EPHA6: variants seen among roughly 807,000 people sequenced by gnomAD.
EPHA6 encodes EPH receptor A6, also known as ephrin type-A receptor 6.
In EPHA6, 50 loss-of-function variants were observed where a neutral mutation model predicts 112.0. The ratio of observed to expected loss-of-function variants is 0.45; its 90% CI spans 0.36 to 0.56. The LOEUF is 0.56. EPHA6 is among the 20% of genes least tolerant of loss of function. EPHA6 has a pLI of 0.00. For missense variants in EPHA6, 1,280 were observed against 1,417.4 expected (o/e 0.90, Z 1.56); for synonymous variants, 529 against 490.7 (o/e 1.08, Z -1.03).
chr3:97,428,599 A>G (rs1357273484), intron 6 of EPHA6, among the ~76,000 whole-genome samples: 1 of 152,200 alleles, frequency 6.6e-6, no homozygotes, highest in Non-Finnish European at 1.5e-5. Flanking sequence ...GAAAACCTAA[A>G]CTAAGCAACC....
intron 5 of EPHA6, among the ~76,000 whole-genome samples, chr3:97,371,538 C>T (rs2085054847): frequency 6.6e-6 from 1 of 152,084 alleles, no homozygotes; most frequent in African/African-American, 2.4e-5. Flanking sequence ...TCTTCATAAG[C>T]TCAGGAAGAA....
chr3:97,712,980 C>T (rs777087051), intron 14 of EPHA6, among the ~76,000 whole-genome samples: 3 of 152,002 alleles, frequency 2.0e-5, no homozygotes, highest in Non-Finnish European at 2.9e-5. Context: ...GAAATTGTTT[C>T]TCATCTGCCC....
intron 2 of EPHA6, among the ~76,000 whole-genome samples, chr3:96,890,097 A>G (rs903162024): frequency 6.6e-6 from 1 of 151,536 alleles, no homozygotes; most frequent in Non-Finnish European, 1.5e-5. Context: ...AATGGTAGAT[A>G]TTTATTAAAC....
chr3:97,387,363 G>A (rs1272383605), intron 5 of EPHA6, among the ~76,000 whole-genome samples: 1 of 145,314 alleles, frequency 6.9e-6, no homozygotes, highest in African/African-American at 2.6e-5. Flanking sequence ...GCTTTTAGAA[G>A]CAGCCAGGCA....
chr3:96,890,362 T>A (rs903275546), intron 2 of EPHA6, among the ~76,000 whole-genome samples: 3 of 152,186 alleles, frequency 2.0e-5, no homozygotes, highest in Non-Finnish European at 4.4e-5. Context: ...CAAAGTCTTA[T>A]GTGAGTATTT....
chr3:97,488,386 C>T (rs972717674), intron 10 of EPHA6, among the ~76,000 whole-genome samples: 5 of 152,152 alleles, frequency 3.3e-5, no homozygotes, highest in African/African-American at 9.7e-5. Context: ...AAGTGAGTGT[C>T]AAGCCTAATA....
intron 3 of EPHA6, among the ~76,000 whole-genome samples, chr3:97,204,984 T>C (rs73848574): frequency 0.019 from 2,933 of 152,222 alleles, 119 homozygotes; most frequent in African/African-American, 0.066. Context: ...TAAAATTACA[T>C]AGAAAAATTG....
At chr3:96,915,949 A>G (rs16836982) in intron 2 of EPHA6, among the ~76,000 whole-genome samples, 4,751 of 152,230 alleles carry the variant, frequency 0.031, 107 homozygotes, top group Middle Eastern at 0.065. Context: ...CTAGAGATGC[A>G]AAGTGGTAAA....
At chr3:97,708,771 A>C (rs1239525150) in intron 14 of EPHA6, among the ~76,000 whole-genome samples, 1 of 152,210 alleles carries the variant, frequency 6.6e-6, no homozygotes, top group Non-Finnish European at 1.5e-5. Flanking sequence ...CTTGGTGCCC[A>C]GTGTCCCAGC....
chr3:96,954,505 C>A (rs1236519797), intron 2 of EPHA6, among the ~76,000 whole-genome samples: 1 of 152,080 alleles, frequency 6.6e-6, no homozygotes, highest in Non-Finnish European at 1.5e-5. Flanking sequence ...TCTTTTCATG[C>A]TCTTACCCCA....
At chr3:96,896,759 A>G (rs2038290380) in intron 2 of EPHA6, among the ~76,000 whole-genome samples, 1 of 152,210 alleles carries the variant, frequency 6.6e-6, no homozygotes, top group Admixed American at 6.5e-5. Flanking sequence ...GGGAAATTCA[A>G]CATAACAAAA....
intron 2 of EPHA6, among the ~76,000 whole-genome samples, chr3:96,946,331 C>A (rs540500646): frequency 6.6e-6 from 1 of 152,130 alleles, no homozygotes; most frequent in South Asian, 2.1e-4. Flanking sequence ...CCCCTTCCCC[C>A]ACCCCACGAC....
intron 2 of EPHA6, among the ~76,000 whole-genome samples, chr3:96,947,569 T>A (rs2041332660): frequency 6.6e-6 from 1 of 152,172 alleles, no homozygotes; most frequent in Non-Finnish European, 1.5e-5. Context: ...AACCATGCAA[T>A]GTGCAGAAAT....
chr3:97,252,149 C>T (rs2108599354), intron 5 of EPHA6, among the ~76,000 whole-genome samples: 1 of 152,178 alleles, frequency 6.6e-6, no homozygotes, highest in Middle Eastern at 3.4e-3. Context: ...CAGCCAGACT[C>T]AGGAAGGTTG....
At chr3:97,001,519 G>A (rs756231208) in intron 3 of EPHA6, among the ~76,000 whole-genome samples, 4 of 151,632 alleles carry the variant, frequency 2.6e-5, no homozygotes, top group Non-Finnish European at 5.9e-5. Context: ...CCTTCCTTTG[G>A]CATGTGATAC....
At chr3:97,638,894 T>G (rs139855980) in intron 14 of EPHA6, among the ~76,000 whole-genome samples, 2 of 152,288 alleles carry the variant, frequency 1.3e-5, no homozygotes, top group East Asian at 3.9e-4. Flanking sequence ...CAAAAGATTT[T>G]TATTATATTC....
intron 16 of EPHA6, among the ~76,000 whole-genome samples, chr3:97,746,609 T>C (rs1353669940): frequency 6.6e-6 from 1 of 151,840 alleles, no homozygotes; most frequent in African/African-American, 2.4e-5. Context: ...GTGTATGTAA[T>C]GTATATATAA....
At chr3:97,340,036 T>C (rs1024796976) in intron 5 of EPHA6, among the ~76,000 whole-genome samples, 2 of 151,570 alleles carry the variant, frequency 1.3e-5, no homozygotes, top group African/African-American at 2.4e-5. Context: ...ATAACCTAAA[T>C]ATTTTTTCCA....
rs115465846 is a variant in EPHA6 at position 97,431,488 on chromosome 3, C to T, written c.1732-17080C>T. On this transcript the variant is annotated intron_variant, in intron 6 of 17. Coordinates refer to ENST00000389672, the MANE Select transcript of EPHA6 (RefSeq NM_001080448.3). ...TTCCCCAAACCTGTGTTTGATCCTT[C>T]CATTTCAGACAAGGACATTTAAAAA... Among the ~76,000 whole-genome samples the T allele has an allele frequency of 8.2e-3, 1,248 of 152,168 alleles. 20 individuals are homozygous for T. The highest frequency in any genetic ancestry group is 0.028 in the African/African-American group (1,164 of 41,520).
Sources: gnomAD v4.1 joint callset for allele counts (sites outside exome capture counted in the v4.1 genomes callset) on GRCh38, gnomAD v4.1.1 for gene constraint, MANE v1.5 for transcripts, NCBI Gene and HGNC (gene_info 2026-07-23, HGNC 2026-07-21) for gene names.